GALNT10: variants seen among roughly 807,000 people sequenced by gnomAD.
GALNT10 encodes GalNAc transferase 10.
A neutral mutation model predicts 75.0 loss-of-function variants in GALNT10; 41 were observed. The ratio of observed to expected loss-of-function variants is 0.55; its 90% CI spans 0.43 to 0.71. The LOEUF is 0.71. Among genes scored for constraint, GALNT10 ranks in the 30% least tolerant of loss-of-function variants. GALNT10 has a pLI of 0.00. For missense variants in GALNT10, 727 were observed against 818.5 expected (o/e 0.89, Z 1.36); for synonymous variants, 302 against 313.0 (o/e 0.96, Z 0.37).
chr5:154,272,194 TC>T (rs1026861239), intron 1 of GALNT10, among the ~76,000 whole-genome samples: 5 of 152,002 alleles, frequency 3.3e-5, no homozygotes, highest in Admixed American at 3.3e-4. Context: ...CAAGAAGCGC[TC>T]CCCAACTTCC....
At chr5:154,408,690 C>T (rs1259674945) in intron 8 of GALNT10, among the ~76,000 whole-genome samples, 12 of 152,022 alleles carry the variant, frequency 7.9e-5, no homozygotes, top group Admixed American at 2.6e-4. Flanking sequence ...GTAGCAGCAA[C>T]CTTTGCACCT....
At chr5:154,273,940 A>G (rs902285914) in intron 1 of GALNT10, among the ~76,000 whole-genome samples, 2 of 152,230 alleles carry the variant, frequency 1.3e-5, no homozygotes, top group African/African-American at 4.8e-5. Flanking sequence ...CAGTTGCTGC[A>G]TCTCCAGAGA....
In GALNT10 at chr5:154,249,383, C is replaced by A. The variant is rs181869913; in HGVS notation, c.160-45433C>A. Among the ~76,000 whole-genome samples the A allele has an allele frequency of 2.6e-5, 4 of 152,242 alleles. No homozygotes were observed. The East Asian group carries it at 7.7e-4, about 29-fold the overall frequency. ...TTCCAGTGGGCAGAGACAAAGCAGG[C>A]AAATGCACACACCAATATTAATACC... On this transcript the variant is annotated intron_variant, in intron 1 of 11. Coordinates refer to ENST00000297107, the MANE Select transcript of GALNT10 (RefSeq NM_198321.4).
At chr5:154,355,053 G>A (rs1474758396) in intron 4 of GALNT10, among the ~76,000 whole-genome samples, 1 of 152,240 alleles carries the variant, frequency 6.6e-6, no homozygotes, top group African/African-American at 2.4e-5. Flanking sequence ...CATGATAGAT[G>A]TAGAATGCCC....
chr5:154,312,763 T>TA (rs1754540396), intron 3 of GALNT10, among the ~76,000 whole-genome samples: 1 of 152,214 alleles, frequency 6.6e-6, no homozygotes, highest in Non-Finnish European at 1.5e-5. Flanking sequence ...AGAAACTTGA[T>TA]ATTAAAGTCC....
At chr5:154,214,422 A>G (rs1457686613) in intron 1 of GALNT10, among the ~76,000 whole-genome samples, 1 of 152,196 alleles carries the variant, frequency 6.6e-6, no homozygotes, top group African/African-American at 2.4e-5. Context: ...TCTCAGAAGC[A>G]GCGAGCACTC....
chr5:154,316,469 G>A (rs571547945), intron 3 of GALNT10, among the ~76,000 whole-genome samples: 1 of 152,352 alleles, frequency 6.6e-6, no homozygotes, highest in East Asian at 1.9e-4. Flanking sequence ...GCAAGGCACA[G>A]GCCTGGGCAT....
At chr5:154,308,245 A>G (rs1754464275) in intron 3 of GALNT10, among the ~76,000 whole-genome samples, 1 of 152,022 alleles carries the variant, frequency 6.6e-6, no homozygotes. Context: ...AAACACCCAG[A>G]TAAAATGGTG....
chr5:154,372,313 A>C (rs1755585368), intron 4 of GALNT10, among the ~76,000 whole-genome samples: 1 of 152,200 alleles, frequency 6.6e-6, no homozygotes. Flanking sequence ...TCGAGTGAGT[A>C]CTAAAAAACG....
At chr5:154,391,231 G>A (rs962942640) in intron 7 of GALNT10, among the ~76,000 whole-genome samples, 2 of 152,318 alleles carry the variant, frequency 1.3e-5, no homozygotes, top group East Asian at 1.9e-4. Flanking sequence ...ACGAAGGACC[G>A]AATTCCCTCT....
rs746452622 is a variant in GALNT10 at position 154,415,878 on chromosome 5, C to T, written c.1599C>T (p.Val533=). 1 of 1,614,172 alleles carries T rather than the reference C, an allele frequency of 6.2e-7. No individual in the cohort carries two copies. The highest frequency in any genetic ancestry group is 1.7e-5 in the Admixed American group (1 of 60,030). The change falls in exon 11 of 12, where the codon GTC becomes GTT. Residue 533 remains valine, a synonymous_variant. Coordinates refer to ENST00000297107, the MANE Select transcript of GALNT10 (RefSeq NM_198321.4). The stretch of plus-strand genomic sequence containing the variant: ...ATGCCATTTCCCACACCAGCCCTGT[C>T]ACGCTGTACGACTGCCACAGCATGA... ...CFDAISHTSP[V]TLYDCHSMKG...
intron 1 of GALNT10, among the ~76,000 whole-genome samples, chr5:154,200,070 T>A (rs1346213516): frequency 6.6e-6 from 1 of 152,182 alleles, no homozygotes; most frequent in African/African-American, 2.4e-5. Context: ...ACTGACTGGA[T>A]GGTCTGGGGC....
At chr5:154,239,039 C>A (rs941741562) in intron 1 of GALNT10, among the ~76,000 whole-genome samples, 1 of 152,166 alleles carries the variant, frequency 6.6e-6, no homozygotes, top group African/African-American at 2.4e-5. Context: ...AGCCATATAG[C>A]TCCAGAGCCT....
intron 1 of GALNT10, among the ~76,000 whole-genome samples, chr5:154,206,403 A>C (rs1488760579): frequency 1.3e-5 from 2 of 152,214 alleles, no homozygotes; most frequent in Non-Finnish European, 2.9e-5. Flanking sequence ...ACTATGTGAT[A>C]GATACAAAAA....
intron 1 of GALNT10, among the ~76,000 whole-genome samples, chr5:154,211,160 G>T (rs2112689): frequency 0.41 from 62,275 of 152,106 alleles, 13,679 homozygotes; most frequent in East Asian, 0.78. Context: ...GACCCCTCAG[G>T]TATAAAGGCA....
intron 7 of GALNT10, among the ~76,000 whole-genome samples, chr5:154,394,254 G>A (rs545518850): frequency 3.5e-4 from 53 of 150,608 alleles, no homozygotes; most frequent in African/African-American, 1.2e-3. Flanking sequence ...ACTGGGGTTC[G>A]CTTTGTGTGA....
At chr5:154,410,661 C>G (rs568662341) in intron 9 of GALNT10, among the ~76,000 whole-genome samples, 3 of 152,304 alleles carry the variant, frequency 2.0e-5, no homozygotes, top group African/African-American at 7.2e-5. Context: ...ACTTGTTGGT[C>G]GTTCCTGCTT....
intron 4 of GALNT10, among the ~76,000 whole-genome samples, chr5:154,344,742 G>A (rs892314065): frequency 8.5e-5 from 13 of 152,172 alleles, no homozygotes; most frequent in African/African-American, 1.4e-4. Flanking sequence ...TTAGAAAGCC[G>A]AGTTTTCCCA....
rs149768244 is a variant in GALNT10 at position 154,236,110 on chromosome 5, G to A, written c.159+45085G>A. Among the ~76,000 whole-genome samples, 387 of 152,244 alleles carry A rather than the reference G, an allele frequency of 2.5e-3. 1 individual carries two copies. The highest frequency in any genetic ancestry group is 8.6e-3 in the African/African-American group (359 of 41,530). On this transcript the variant is annotated intron_variant, in intron 1 of 11. Transcript: ENST00000297107. ...TCTGCTTGGACTGGGAGGGAGACTAGCAGAGGGAGTCAAAACCTGAGCTCT... is the reference window on the plus strand; with the variant it reads ...TCTGCTTGGACTGGGAGGGAGACTAACAGAGGGAGTCAAAACCTGAGCTCT...
Sources: allele counts gnomAD v4.1 joint callset (sites outside exome capture counted in the v4.1 genomes callset), GRCh38; gene constraint gnomAD v4.1.1; transcripts MANE v1.5; gene names NCBI Gene and HGNC (gene_info 2026-07-23, HGNC 2026-07-21).